ADCY8: variants seen among roughly 807,000 people sequenced by gnomAD.
The protein encoded by ADCY8 is adenylate cyclase type 8.
ADCY8 carries 51 observed loss-of-function variants against 119.7 expected under a neutral mutation model. That is an observed-to-expected ratio of 0.43 (90% CI 0.34 to 0.54). The LOEUF is 0.54. Among genes scored for constraint, ADCY8 ranks in the 20% least tolerant of loss-of-function variants. The pLI is 0.03. For missense variants in ADCY8, 1,383 were observed against 1,598.8 expected (o/e 0.87, Z 2.30); for synonymous variants, 665 against 651.0 (o/e 1.02, Z -0.33).
intron 1 of ADCY8, among the ~76,000 whole-genome samples, chr8:131,023,959 G>C (rs1217431138): frequency 6.6e-6 from 1 of 152,240 alleles, no homozygotes; most frequent in East Asian, 1.9e-4. Context: ...CCAGCATTTA[G>C]AGCAACATGG....
At chr8:130,788,113 T>C (rs1175917255) in intron 15 of ADCY8, among the ~76,000 whole-genome samples, 1 of 152,254 alleles carries the variant, frequency 6.6e-6, no homozygotes, top group Non-Finnish European at 1.5e-5. Context: ...CATTTGTCAT[T>C]GAACACTTAA....
In ADCY8 at chr8:130,907,939, T is replaced by C. The variant is rs182869043; in HGVS notation, c.1640+1769A>G. 3.9e-5 allele frequency among the ~76,000 whole-genome samples: 6 copies of C among 152,318 alleles called. No homozygotes were observed. The East Asian group carries it at 1.2e-3, about 29-fold the overall frequency. On this transcript the variant is annotated intron_variant, in intron 6 of 17. Coordinates refer to ENST00000286355, the MANE Select transcript of ADCY8 (RefSeq NM_001115.3). ...AGGCCCCAGTGTCTATTCTCGTCTTTATGTCCATATGTACTCAATGTTTAG... is the reference window on the plus strand; with the variant it reads ...AGGCCCCAGTGTCTATTCTCGTCTTCATGTCCATATGTACTCAATGTTTAG...
intron 13 of ADCY8, among the ~76,000 whole-genome samples, chr8:130,817,428 C>A (rs1165398447): frequency 6.6e-6 from 1 of 152,158 alleles, no homozygotes; most frequent in Non-Finnish European, 1.5e-5. Context: ...CAAAAAAATT[C>A]CCATTCTTTT....
intron 10 of ADCY8, 98 bp from the exon 11 acceptor site, chr8:130,847,611 G>A: frequency 9.8e-7 from 1 of 1,025,608 alleles, no homozygotes; most frequent in Non-Finnish European, 1.4e-6. Flanking sequence ...GCTATCAGTG[G>A]CTGGGCTTCA....
chr8:130,797,835 C>G (rs950857603), intron 15 of ADCY8, among the ~76,000 whole-genome samples: 3 of 152,166 alleles, frequency 2.0e-5, no homozygotes, highest in Non-Finnish European at 4.4e-5. Flanking sequence ...CACACCCATC[C>G]CAGGGCAACT....
intron 12 of ADCY8, among the ~76,000 whole-genome samples, chr8:130,822,868 G>T (rs1816561888): frequency 6.6e-6 from 1 of 152,146 alleles, no homozygotes; most frequent in African/African-American, 2.4e-5. Flanking sequence ...TAATTGTGAG[G>T]ATTAAATGAG....
At chr8:130,987,743 T>A (rs1822447006) in intron 2 of ADCY8, among the ~76,000 whole-genome samples, 1 of 152,170 alleles carries the variant, frequency 6.6e-6, no homozygotes, top group African/African-American at 2.4e-5. Flanking sequence ...TGGGAATTCA[T>A]TTGTCAATGA....
intron 2 of ADCY8, among the ~76,000 whole-genome samples, chr8:130,968,933 A>G (rs1160032662): frequency 6.6e-6 from 1 of 152,180 alleles, no homozygotes; most frequent in Non-Finnish European, 1.5e-5. Context: ...CTTAGGGCTT[A>G]AAGACTTCAA....
chr8:130,810,550 A>T (rs953347609), intron 14 of ADCY8, among the ~76,000 whole-genome samples: 1 of 152,186 alleles, frequency 6.6e-6, no homozygotes, highest in South Asian at 2.1e-4. Context: ...CATCAATACT[A>T]TGAGGCTGAT....
chr8:130,939,083 T>C lies in ADCY8; in HGVS notation c.1354-1883A>G, dbSNP rs538821839. On this transcript the variant is annotated intron_variant, in intron 4 of 17. Transcript: ENST00000286355. ...AAGAAATCAGAGGGTTTAGAGATGT[T>C]GTAGGGTACATTTTTTTTTTTTGTC... 2.5e-4 allele frequency among the ~76,000 whole-genome samples: 37 copies of C among 147,744 alleles called. No individual in the cohort carries two copies. In the East Asian group the frequency reaches 4.5e-3, roughly 18 times the overall value.
intron 5 of ADCY8, among the ~76,000 whole-genome samples, chr8:130,923,537 C>T (rs1002059250): frequency 6.6e-6 from 1 of 152,106 alleles, no homozygotes; most frequent in African/African-American, 2.4e-5. Flanking sequence ...CTGAAAAGAC[C>T]AAGCTCTGCA....
chr8:130,813,927 A>G lies in ADCY8; in HGVS notation c.2913+142T>C, dbSNP rs1816254299. 7.7e-6 allele frequency: 8 copies of G among 1,037,592 alleles called. No individual in the cohort carries two copies. In the South Asian group the frequency reaches 1.0e-4, roughly 14 times the overall value. 64.3% of individuals were successfully genotyped at this position (1,037,592 alleles called of 1,614,324 possible). A position where few individuals can be genotyped will look rare whatever the true frequency, so the allele number is the denominator to read the frequency against. The stretch of plus-strand genomic sequence containing the variant: ...CCTGAGGTTGGGAGGCCATGTGTAA[A>G]TTTCATAGTGTTAGGAGTTTCTCCA... On this transcript the variant is annotated intron_variant, in intron 14 of 17. Coordinates refer to ENST00000286355, the MANE Select transcript of ADCY8 (RefSeq NM_001115.3).
chr8:130,911,620 T>C (rs2130556078), intron 5 of ADCY8, among the ~76,000 whole-genome samples: 1 of 151,306 alleles, frequency 6.6e-6, no homozygotes, highest in East Asian at 1.9e-4. Context: ...AATTTTAAAT[T>C]TGTAATCAAA....
chr8:130,974,980 T>C (rs867024551), intron 2 of ADCY8, among the ~76,000 whole-genome samples: 3 of 152,154 alleles, frequency 2.0e-5, no homozygotes, highest in Admixed American at 1.3e-4. Context: ...CTAACAGCAG[T>C]GGCAATGGTG....
intron 8 of ADCY8, among the ~76,000 whole-genome samples, chr8:130,883,336 A>T (rs1182349893): frequency 6.6e-6 from 1 of 152,164 alleles, no homozygotes; most frequent in African/African-American, 2.4e-5. Flanking sequence ...GCCCTTAATT[A>T]TATGATGAAT....
At chr8:130,957,787 GC>G in intron 2 of ADCY8, among the ~76,000 whole-genome samples, 1 of 152,364 alleles carries the variant, frequency 6.6e-6, no homozygotes, top group African/African-American at 2.4e-5. Flanking sequence ...GAGGGTGCAA[GC>G]CCCAAGTCTT....
chr8:130,948,924 C>A (rs548884349), intron 3 of ADCY8, among the ~76,000 whole-genome samples: 1 of 152,180 alleles, frequency 6.6e-6, no homozygotes, highest in Non-Finnish European at 1.5e-5. Flanking sequence ...CTGAGTTCAT[C>A]TTCCCGAAAC....
chr8:130,788,929 C>T (rs1348818500), intron 15 of ADCY8, among the ~76,000 whole-genome samples: 2 of 152,062 alleles, frequency 1.3e-5, no homozygotes, highest in African/African-American at 4.8e-5. Flanking sequence ...TAAAGAGTAC[C>T]TATCATGATT....
chr8:131,039,448 C>A lies in ADCY8; in HGVS notation c.886G>T (p.Gly296Cys), dbSNP rs747470923. The change falls in exon 1 of 18, where the codon GGC becomes TGC. Residue 296 changes from glycine to cysteine, a missense_variant. Gly to Cys is a radical substitution (Grantham distance 159). Around this residue, in one of 2 missense-constraint regions of ADCY8, gnomAD observed 455 missense variants for 435.3 expected, o/e 1.05. Transcript: ENST00000286355. ...PLPLTWAILA[G>C]LGTSLLQVIL... ...ACCTGCAGCAGCGAGGTGCCCAGGC[C>A]GGCCAGGATGGCCCAGGTGAGCGGC... 6.2e-7 allele frequency: 1 copy of A among 1,614,216 alleles called. No individual in the cohort carries two copies. Among genetic ancestry groups the A allele is most frequent in the South Asian group, 1.1e-5 (1 of 91,086 alleles).
Sources: allele counts gnomAD v4.1 joint callset (sites outside exome capture counted in the v4.1 genomes callset), GRCh38; gene constraint gnomAD v4.1.1; regional missense constraint gnomAD v4.1.1; transcripts MANE v1.5; gene names NCBI Gene and HGNC (gene_info 2026-07-23, HGNC 2026-07-21).